Variants in ZMYM2 observed in about 807,000 individuals in gnomAD.
ZMYM2 encodes the protein zinc finger MYM-type protein 2.
Under a neutral mutation model 162.8 loss-of-function variants are expected in ZMYM2, and 56 were observed. That is an observed-to-expected ratio of 0.34 (90% CI 0.28 to 0.43). The LOEUF (loss-of-function observed/expected upper bound fraction) is 0.43, where lower values mean the gene tolerates loss of function less well. Among genes scored for constraint, ZMYM2 ranks in the 20% least tolerant of loss-of-function variants. The probability of loss-of-function intolerance (pLI) is 1.00; values close to 1 mark genes in which losing one functional copy is unlikely to be tolerated. For missense variants in ZMYM2, 1,275 were observed against 1,621.8 expected, an observed-to-expected ratio of 0.79 and a Z score of 3.67; for synonymous variants, 510 against 541.6, an observed-to-expected ratio of 0.94 and a Z score of 0.81.
chr13:20,034,486 C>A, intron 11 of ZMYM2, 82 bp downstream of exon 11: 2 of 1,288,058 alleles, frequency 1.6e-6, no homozygotes, highest in Non-Finnish European at 2.0e-6. Flanking sequence ...AGAGTGGCTG[C>A]ACAATTTTAA....
intron 6 of ZMYM2, among the ~76,000 whole-genome samples, chr13:20,015,857 C>G (rs1358292610): frequency 2.0e-5 from 3 of 151,790 alleles, no homozygotes. Flanking sequence ...TACTTTTGAC[C>G]TGTTTGTATC....
intron 19 of ZMYM2, 82 bp from the exon 20 acceptor site, chr13:20,066,769 T>C: frequency 7.5e-7 from 1 of 1,339,422 alleles, no homozygotes; most frequent in Non-Finnish European, 9.7e-7. Context: ...GTAATTTGCC[T>C]TTGTTGAGAG....
intron 2 of ZMYM2, among the ~76,000 whole-genome samples, chr13:19,963,984 C>CT (rs1955514295): frequency 6.6e-6 from 1 of 152,100 alleles, no homozygotes; most frequent in South Asian, 2.1e-4. Context: ...AATCAATGCT[C>CT]TTTAATTTGA....
chr13:19,955,138 AATTATT>A (rs58375933), upstream of ZMYM2, among the ~76,000 whole-genome samples: 12,558 of 149,650 alleles, frequency 0.084, 724 homozygotes, highest in African/African-American at 0.16. Context: ...TAGTTACTGC[AATTATT>A]ATTATTATTA....
intron 19 of ZMYM2, 81 bp from the exon 20 acceptor site, chr13:20,066,770 T>C (rs1455287680): frequency 7.5e-7 from 1 of 1,335,332 alleles, no homozygotes; most frequent in African/African-American, 1.5e-5. Context: ...TAATTTGCCT[T>C]TGTTGAGAGA....
intron 2 of ZMYM2, among the ~76,000 whole-genome samples, chr13:19,987,111 C>CAAA (rs58588019): frequency 0.015 from 616 of 40,926 alleles, 48 homozygotes; most frequent in African/African-American, 0.03. Context: ...GGCTCCGTCT[C>CAAA]AAAAAAAAAA....
chr13:20,046,564 A>AAAAATATAT (rs766574183), intron 12 of ZMYM2, among the ~76,000 whole-genome samples: 1 of 103,868 alleles, frequency 9.6e-6, no homozygotes, highest in African/African-American at 3.5e-5. Flanking sequence ...TAAAAAAAAA[A>AAAAATATAT]ATATATATAT....
intron 2 of ZMYM2, chr13:19,970,122 A>G (rs776253088): frequency 4.2e-6 from 4 of 949,156 alleles, no homozygotes; most frequent in Non-Finnish European, 5.0e-6. Flanking sequence ...CATTATGGAA[A>G]ATTTGTTATC....
intron 2 of ZMYM2, among the ~76,000 whole-genome samples, chr13:19,967,013 C>T (rs369066463): frequency 4.6e-5 from 7 of 152,222 alleles, no homozygotes; most frequent in African/African-American, 9.6e-5. Context: ...GTCTCTCTTC[C>T]ATGACACAGA....
intron 2 of ZMYM2, among the ~76,000 whole-genome samples, chr13:19,966,126 G>T (rs111990976): frequency 0.017 from 2,366 of 136,988 alleles, 50 homozygotes; most frequent in African/African-American, 0.047. Context: ...TTTTTTTTTT[G>T]TTTTTGTTTT....
At chr13:20,062,189 TA>T (rs1956282268) in intron 17 of ZMYM2, among the ~76,000 whole-genome samples, 1 of 152,140 alleles carries the variant, frequency 6.6e-6, no homozygotes, top group Non-Finnish European at 1.5e-5. Context: ...GTTGTGAAAT[TA>T]GTGGGTTGCA....
chr13:19,985,492 G>A (rs1566219268), intron 2 of ZMYM2, among the ~76,000 whole-genome samples: 1 of 151,690 alleles, frequency 6.6e-6, no homozygotes, highest in Non-Finnish European at 1.5e-5. Context: ...TGAAGCTTGT[G>A]TATTTTGAAT....
At chr13:20,017,596 T>C (rs1566306212) in intron 6 of ZMYM2, among the ~76,000 whole-genome samples, 1 of 148,992 alleles carries the variant, frequency 6.7e-6, no homozygotes, top group Non-Finnish European at 1.5e-5. Context: ...CTTTTGGGAC[T>C]CCAGTGACAT....
intron 6 of ZMYM2, among the ~76,000 whole-genome samples, chr13:20,016,073 C>CT (rs968500584): frequency 5.3e-5 from 8 of 151,092 alleles, no homozygotes; most frequent in African/African-American, 9.7e-5. Context: ...TATTCTATAC[C>CT]TTTTTTTTGG....
chr13:19,979,313 G>T (rs1957088550), intron 2 of ZMYM2, among the ~76,000 whole-genome samples: 1 of 151,976 alleles, frequency 6.6e-6, no homozygotes, highest in Non-Finnish European at 1.5e-5. Flanking sequence ...GCAGTTTTCA[G>T]CCATTGTTTC....
chr13:19,993,580 G>A lies in ZMYM2; in HGVS notation c.508G>A (p.Gly170Ser). Residue 170 changes from glycine (G) to serine (S), a missense_variant, in exon 3 of 25, where the codon GGT becomes AGT. Gly to Ser is a moderately conservative substitution (Grantham distance 56). Coordinates refer to ENST00000610343, the MANE Select transcript of ZMYM2 (RefSeq NM_197968.4). Reference protein sequence around the residue: ...FSRSKVNAGMGNSGITTEPDS... With the variant: ...FSRSKVNAGMSNSGITTEPDS... ...AAGAAGTAAGGTAAATGCAGGAATG[G>A]GTAATAGTGGTATCACCACAGAACC... 1 of 1,614,144 alleles carries A rather than the reference G, an allele frequency of 6.2e-7. No individual in the cohort carries two copies. Among genetic ancestry groups the A allele is most frequent in the Non-Finnish European group, 8.5e-7 (1 of 1,180,030 alleles).
the ZMYM2 span, among the ~76,000 whole-genome samples, chr13:19,906,365 GTA>G: frequency 1.7e-3 from 196 of 113,402 alleles, no homozygotes; most frequent in South Asian, 4.2e-3. Flanking sequence ...ATATATATAT[GTA>G]TATATATATG....
chr13:20,019,531 TA>T lies in ZMYM2; in HGVS notation c.1513-12del. 6.4e-7 allele frequency: 1 copy of T among 1,562,920 alleles called. No homozygotes were observed. The highest frequency in any genetic ancestry group is 8.7e-7 in the Non-Finnish European group (1 of 1,153,630). Reference sequence around the variant, plus strand: ...CTTTATGTGTGTTTATAAAGTCTTTTAAAATCTTTTTTTAGGTAGGTAGCCA... The same window carrying T: ...CTTTATGTGTGTTTATAAAGTCTTTTAAATCTTTTTTTAGGTAGGTAGCCA... On this transcript the variant is annotated splice_polypyrimidine_tract_variant and intron_variant, in intron 6 of 24. Coordinates refer to ENST00000610343, the MANE Select transcript of ZMYM2 (RefSeq NM_197968.4).
chr13:19,910,428 A>T, the ZMYM2 span, among the ~76,000 whole-genome samples: 1 of 152,094 alleles, frequency 6.6e-6, no homozygotes, highest in Admixed American at 6.6e-5. Context: ...AAGGGAAAGG[A>T]TTCAAAAGCT....
Sources: gnomAD v4.1 joint callset for allele counts (sites outside exome capture counted in the v4.1 genomes callset) on GRCh38, gnomAD v4.1.1 for gene constraint, MANE v1.5 for transcripts, NCBI Gene and HGNC (gene_info 2026-07-23, HGNC 2026-07-21) for gene names.